The following GRIK2 variants were observed in gnomAD, a reference collection of about 807,000 sequenced individuals.
The protein encoded by GRIK2 is glutamate ionotropic receptor kainate type subunit 2.
In GRIK2, 32 loss-of-function variants were observed where a neutral mutation model predicts 100.3. The ratio of observed to expected loss-of-function variants is 0.32; its 90% CI spans 0.24 to 0.43. GRIK2 has a LOEUF of 0.43. GRIK2 is among the 20% of genes least tolerant of loss of function. GRIK2 has a pLI of 1.00. For synonymous variants in GRIK2, 417 were observed against 389.4 expected, an observed-to-expected ratio of 1.07 and a Z score of -0.83; for missense variants, 843 against 1,114.9, an observed-to-expected ratio of 0.76 and a Z score of 3.47.
rs981659499 is a variant in GRIK2, at chr6:101,856,739, A to G, written c.1318-2548A>G. 2.0e-5 allele frequency among the ~76,000 whole-genome samples: 3 copies of G among 152,138 alleles called. No individual in the cohort carries two copies. In the South Asian group the frequency reaches 6.2e-4, roughly 31 times the overall value. ...GCACAGGCGTGGGTGTGATTAAACA[A>G]TGAGTTGGATGAGTGGGTTGTTAGA... On this transcript the variant is annotated intron_variant, in intron 10 of 16. Coordinates refer to ENST00000369134, the MANE Select transcript of GRIK2 (RefSeq NM_021956.5).
At chr6:101,922,114 T>TCCTTCCTTCCTC (rs1789576034) in intron 12 of GRIK2, among the ~76,000 whole-genome samples, 1 of 16,314 alleles carries the variant, frequency 6.1e-5, no homozygotes, top group Admixed American at 5.9e-4. Context: ...CTTCCTTCCT[T>TCCTTCCTTCCTC]CCTTCCTTCC....
rs902299990 is a variant in GRIK2, at chr6:101,658,230, G to A, written c.542-18393G>A. On this transcript the variant is annotated intron_variant, in intron 4 of 16. Transcript: ENST00000369134. ...AGTCCCTCACCCCCAACAGACCCTG[G>A]TGTGTGATGTTCTCCCTCTGTGTCC... 2.0e-5 allele frequency among the ~76,000 whole-genome samples: 3 copies of A among 152,018 alleles called. 1 individual carries two copies. The South Asian group carries it at 6.2e-4, about 32-fold the overall frequency.
intron 7 of GRIK2, among the ~76,000 whole-genome samples, chr6:101,792,106 C>G (rs1046379837): frequency 2.0e-5 from 3 of 151,720 alleles, no homozygotes; most frequent in African/African-American, 7.3e-5. Flanking sequence ...TGTGTCTCTG[C>G]ACGTGAGATG....
intron 4 of GRIK2, among the ~76,000 whole-genome samples, chr6:101,644,033 A>G (rs957701927): frequency 1.3e-5 from 2 of 151,642 alleles, no homozygotes; most frequent in Non-Finnish European, 3.0e-5. Flanking sequence ...TTTTTTCTTT[A>G]TAAACTTTAT....
intron 14 of GRIK2, among the ~76,000 whole-genome samples, chr6:101,992,736 T>G (rs577555503): frequency 2.2e-4 from 34 of 151,578 alleles, no homozygotes; most frequent in Middle Eastern, 3.4e-3. Context: ...GGCACTTGAG[T>G]TTGAACTATC....
In GRIK2 at chr6:101,729,832, A is replaced by ATTTGT. The variant is rs527912014; in HGVS notation, c.951+43480_951+43481insTTGTT. Among the ~76,000 whole-genome samples, 11 of 152,098 alleles carry ATTTGT rather than the reference A, an allele frequency of 7.2e-5. No individual in the cohort carries two copies. In the South Asian group the frequency reaches 1.9e-3, roughly 26 times the overall value. On this transcript the variant is annotated intron_variant, in intron 7 of 16. Coordinates refer to ENST00000369134, the MANE Select transcript of GRIK2 (RefSeq NM_021956.5). ...TTTGTCTAACAATATTTGTTCGGAAATAGAACATTTGGACTTTTTAAGCAT... is the reference window on the plus strand; with the variant it reads ...TTTGTCTAACAATATTTGTTCGGAAATTTGTTAGAACATTTGGACTTTTTAAGCAT...
At chr6:101,742,497 C>T (rs181687580) in intron 7 of GRIK2, among the ~76,000 whole-genome samples, 100 of 152,214 alleles carry the variant, frequency 6.6e-4, no homozygotes, top group African/African-American at 2.2e-3. Flanking sequence ...CCTGAGAACA[C>T]GTCCTCAAGG....
intron 10 of GRIK2, among the ~76,000 whole-genome samples, chr6:101,853,527 G>A (rs974779124): frequency 1.3e-5 from 2 of 152,122 alleles, no homozygotes; most frequent in African/African-American, 4.8e-5. Context: ...AGACAGTTTG[G>A]CAGTTTCTTT....
rs143808702 is a variant in GRIK2 at position 101,883,289 on chromosome 6, AAATAATAATAAT to A, written c.1525-6328_1525-6317del. Among the ~76,000 whole-genome samples the A allele has an allele frequency of 4.9e-3, 701 of 144,296 alleles. 3 individuals are homozygous for A. Among genetic ancestry groups the A allele is most frequent in the African/African-American group, 0.017 (674 of 39,578 alleles). The allele number at this position is 144,296 out of a possible 152,430, so 94.7% of individuals were successfully genotyped here. A position where few individuals can be genotyped will look rare whatever the true frequency, so the allele number is the denominator to read the frequency against. ...AAACCTCAAGAGTATTCTCTTTGGC[AAATAATAATAAT>A]AATAATAATAATAATAATAATATAA... On this transcript the variant is annotated intron_variant, in intron 11 of 16. Transcript: ENST00000369134.
chr6:101,750,255 AC>A (rs1278854306), intron 7 of GRIK2, among the ~76,000 whole-genome samples: 5 of 152,172 alleles, frequency 3.3e-5, no homozygotes, highest in Non-Finnish European at 7.4e-5. Flanking sequence ...CCAGTGTTAC[AC>A]AGAAGGTAAG....
chr6:101,642,737 T>C (rs1023507398), intron 4 of GRIK2, among the ~76,000 whole-genome samples: 3 of 151,726 alleles, frequency 2.0e-5, no homozygotes, highest in African/African-American at 7.2e-5. Context: ...TTCTCAATTC[T>C]TTTCAGTATA....
intron 10 of GRIK2, among the ~76,000 whole-genome samples, chr6:101,837,081 T>G (rs970826123): frequency 6.6e-6 from 1 of 152,172 alleles, no homozygotes; most frequent in East Asian, 1.9e-4. Flanking sequence ...AACATGGTAA[T>G]TTCCTTTCCA....
At chr6:102,022,404 A>G (rs940271379) in intron 14 of GRIK2, among the ~76,000 whole-genome samples, 1 of 151,754 alleles carries the variant, frequency 6.6e-6, no homozygotes, top group Non-Finnish European at 1.5e-5. Context: ...CTATACTTTG[A>G]GAGCCTGGTT....
At chr6:101,800,512 T>G (rs1169588359) in intron 8 of GRIK2, among the ~76,000 whole-genome samples, 1 of 152,082 alleles carries the variant, frequency 6.6e-6, no homozygotes, top group Non-Finnish European at 1.5e-5. Context: ...TGCAATGAAA[T>G]ATCACAGGTA....
chr6:101,704,775 T>A (rs1773140706), intron 7 of GRIK2, among the ~76,000 whole-genome samples: 1 of 151,340 alleles, frequency 6.6e-6, no homozygotes. Context: ...TCTAATATTT[T>A]ATCAGACATA....
intron 2 of GRIK2, among the ~76,000 whole-genome samples, chr6:101,611,328 T>G (rs1461008372): frequency 6.6e-6 from 1 of 151,832 alleles, no homozygotes; most frequent in African/African-American, 2.4e-5. Flanking sequence ...AGCAACTTCT[T>G]TTTTTCAAAT....
intron 2 of GRIK2, among the ~76,000 whole-genome samples, chr6:101,403,295 A>G (rs893583140): frequency 6.6e-6 from 1 of 152,158 alleles, no homozygotes; most frequent in African/African-American, 2.4e-5. Flanking sequence ...TGCTGAGCAT[A>G]TGGTAGGCCA....
chr6:101,677,451 C>A (rs893738005), intron 5 of GRIK2, among the ~76,000 whole-genome samples: 1 of 152,048 alleles, frequency 6.6e-6, no homozygotes, highest in Non-Finnish European at 1.5e-5. Flanking sequence ...CCTTCTAAAT[C>A]AATCAAACAA....
intron 9 of GRIK2, among the ~76,000 whole-genome samples, chr6:101,815,756 A>G (rs188927867): frequency 1.4e-4 from 21 of 152,250 alleles, no homozygotes; most frequent in African/African-American, 5.1e-4. Flanking sequence ...TCTGGTGACA[A>G]TTTCCTCAAT....
Sources: gnomAD v4.1 joint callset for allele counts (sites outside exome capture counted in the v4.1 genomes callset) on GRCh38, gnomAD v4.1.1 for gene constraint, MANE v1.5 for transcripts, NCBI Gene and HGNC (gene_info 2026-07-23, HGNC 2026-07-21) for gene names.